Variants in QKI observed in about 807,000 individuals in gnomAD.
The protein encoded by QKI is QKI, KH domain containing RNA binding.
Under a neutral mutation model 39.0 loss-of-function variants are expected in QKI, and 10 were observed. The ratio of observed to expected loss-of-function variants is 0.26; its 90% CI spans 0.16 to 0.43. The LOEUF is 0.43. QKI is among the 20% of genes least tolerant of loss of function. The pLI is 1.00. For missense variants in QKI, 218 were observed against 428.0 expected (o/e 0.51, Z 4.33); for synonymous variants, 204 against 155.4 (o/e 1.31, Z -2.33).
At chr6:163,477,439 G>T (rs1409283483) in intron 2 of QKI, among the ~76,000 whole-genome samples, 1 of 152,192 alleles carries the variant, frequency 6.6e-6, no homozygotes, top group Non-Finnish European at 1.5e-5. Context: ...AATTGGAGAT[G>T]TAGGAAGGTT....
At chr6:163,423,209 A>T (rs1788128859) in intron 1 of QKI, 1 of 152,204 alleles carries the variant, frequency 6.6e-6, no homozygotes, top group Non-Finnish European at 1.5e-5. Context: ...AATCGCTTGA[A>T]CCTGGTAGGC....
At chr6:163,495,684 G>T (rs2128229961) in intron 3 of QKI, among the ~76,000 whole-genome samples, 1 of 152,120 alleles carries the variant, frequency 6.6e-6, no homozygotes, top group Non-Finnish European at 1.5e-5. Flanking sequence ...ACATTTATTT[G>T]CCCTGTCTCT....
rs1234677684 is a variant in QKI, at chr6:163,573,234, C to G, written c.*2524C>G. On this transcript the variant is annotated 3_prime_UTR_variant, in exon 8 of 8. Coordinates refer to ENST00000361752, the MANE Select transcript of QKI (RefSeq NM_006775.3). ...TGAAATCTCTGAATGCCTTGGTTCT[C>G]AGTATTATCATTCTTTATTGAATTT... 1 of 152,102 alleles carries G rather than the reference C, an allele frequency of 6.6e-6. No individual in the cohort carries two copies. Among genetic ancestry groups the G allele is most frequent in the African/African-American group, 2.4e-5 (1 of 41,422 alleles). The allele number at this position is 152,102 out of a possible 1,614,324, so 9.4% of individuals were successfully genotyped here. A position where few individuals can be genotyped will look rare whatever the true frequency, so the allele number is the denominator to read the frequency against.
At chr6:163,484,178 G>A (rs1793295499) in intron 3 of QKI, among the ~76,000 whole-genome samples, 2 of 151,300 alleles carry the variant, frequency 1.3e-5, no homozygotes, top group Non-Finnish European at 2.9e-5. Context: ...CAATTGTAGA[G>A]CACAGGCAGG....
At chr6:163,477,946 A>C (rs1792753445) in intron 2 of QKI, among the ~76,000 whole-genome samples, 1 of 152,264 alleles carries the variant, frequency 6.6e-6, no homozygotes, top group Non-Finnish European at 1.5e-5. Flanking sequence ...TTGATTGAAT[A>C]AGTAAATGAA....
intron 2 of QKI, among the ~76,000 whole-genome samples, chr6:163,459,359 G>C (rs1583025591): frequency 2.0e-5 from 3 of 152,262 alleles, no homozygotes; most frequent in South Asian, 2.1e-4. Flanking sequence ...ACTTGGGAGA[G>C]GGGGTACTAT....
At chr6:163,558,057 C>T (rs985784072) in intron 4 of QKI, among the ~76,000 whole-genome samples, 12 of 152,228 alleles carry the variant, frequency 7.9e-5, no homozygotes, top group East Asian at 1.9e-4. Context: ...TGCTCATTCC[C>T]GATCAAGGTT....
At position 163,577,994 on chromosome 6, in the gene QKI, TAGTC is replaced by T. The variant is rs1222256071; in HGVS notation, c.*7286_*7289del. ...TGTACTATACATATGTCTAAAATAA[TAGTC>T]ATGGTAAGTTTGGCATCATATCTTC... is the stretch of plus-strand genomic sequence containing the variant. On this transcript the variant is annotated 3_prime_UTR_variant, in exon 8 of 8. Transcript: ENST00000361752. 3 of 152,134 alleles carry T rather than the reference TAGTC, an allele frequency of 2.0e-5. No homozygotes were observed. Among genetic ancestry groups the T allele is most frequent in the African/African-American group, 7.2e-5 (3 of 41,422 alleles). 9.4% of individuals were successfully genotyped at this position (152,134 alleles called of 1,614,324 possible). A position where few individuals can be genotyped will look rare whatever the true frequency, so the allele number is the denominator to read the frequency against.
At chr6:163,492,756 T>A (rs1778137737) in intron 3 of QKI, among the ~76,000 whole-genome samples, 1 of 152,144 alleles carries the variant, frequency 6.6e-6, no homozygotes, top group African/African-American at 2.4e-5. Flanking sequence ...AGTAGTGAGA[T>A]TATTGAATAA....
intron 4 of QKI, among the ~76,000 whole-genome samples, chr6:163,552,936 A>T (rs1782336787): frequency 6.6e-6 from 1 of 151,478 alleles, no homozygotes; most frequent in Non-Finnish European, 1.5e-5. Flanking sequence ...CCCACCTCTA[A>T]GCCTCCTCAC....
intron 7 of QKI, chr6:163,567,235 C>T: frequency 1.0e-6 from 1 of 987,134 alleles, no homozygotes; most frequent in East Asian, 1.1e-4. Flanking sequence ...TTGGAGAAAA[C>T]TGAAGATTTA....
chr6:163,438,239 A>T (rs1179815329), intron 1 of QKI, among the ~76,000 whole-genome samples: 1 of 152,214 alleles, frequency 6.6e-6, no homozygotes, highest in Admixed American at 6.5e-5. Flanking sequence ...TAATGATCAG[A>T]TCAGTAGATA....
At position 163,492,096 on chromosome 6, in the gene QKI, G is replaced by C. The variant is rs199988211; in HGVS notation, c.402+13200G>C. ...TTTTTAGAGGATTCAGCTCTCTGTTGACAGAGTGAGTAGTGGAATGTTGCT... is the reference window on the plus strand; with the variant it reads ...TTTTTAGAGGATTCAGCTCTCTGTTCACAGAGTGAGTAGTGGAATGTTGCT... On this transcript the variant is annotated intron_variant, in intron 3 of 7. Coordinates refer to ENST00000361752, the MANE Select transcript of QKI (RefSeq NM_006775.3). 2.0e-5 allele frequency among the ~76,000 whole-genome samples: 3 copies of C among 152,184 alleles called. No homozygotes were observed. In the East Asian group the frequency reaches 5.8e-4, roughly 29 times the overall value.
chr6:163,543,861 A>G lies in QKI; in HGVS notation c.546+8736A>G, dbSNP rs549575535. 1.9e-4 allele frequency among the ~76,000 whole-genome samples: 29 copies of G among 152,184 alleles called. No individual in the cohort carries two copies. The East Asian group carries it at 5.6e-3, about 29-fold the overall frequency. ...GAGGAAAAAAGTGACAACTCTAGAT[A>G]TAAATTTCCTATCTTAATTTAAATA... On this transcript the variant is annotated intron_variant, in intron 4 of 7. Transcript: ENST00000361752.
intron 1 of QKI, chr6:163,423,507 T>A (rs551350635): frequency 6.6e-5 from 10 of 152,318 alleles, no homozygotes; most frequent in Non-Finnish European, 1.5e-4. Context: ...TTTTGTGGCG[T>A]GCCTCTCCAC....
chr6:163,484,471 G>A (rs1024122268), intron 3 of QKI, among the ~76,000 whole-genome samples: 18 of 152,254 alleles, frequency 1.2e-4, no homozygotes, highest in African/African-American at 4.3e-4. Flanking sequence ...AAAGTGCTAG[G>A]ATTACAGGTG....
At chr6:163,556,503 C>CAAAAAAAAAAA (rs61233361) in intron 4 of QKI, among the ~76,000 whole-genome samples, 13 of 83,048 alleles carry the variant, frequency 1.6e-4, no homozygotes, top group Middle Eastern at 7.8e-3. Flanking sequence ...AATTCCACCT[C>CAAAAAAAAAAA]AAAAAAAAAA....
chr6:163,556,110 G>A (rs1025157774), intron 4 of QKI, among the ~76,000 whole-genome samples: 4 of 152,176 alleles, frequency 2.6e-5, no homozygotes, highest in African/African-American at 4.8e-5. Flanking sequence ...GTTAGGAAGC[G>A]TAAATGATTG....
chr6:163,470,031 G>GA (rs937996718), intron 2 of QKI, among the ~76,000 whole-genome samples: 4 of 151,684 alleles, frequency 2.6e-5, no homozygotes, highest in East Asian at 1.9e-4. Context: ...GATACAATAG[G>GA]AAAAAAAATA....
Sources: allele counts gnomAD v4.1 joint callset (sites outside exome capture counted in the v4.1 genomes callset), GRCh38; gene constraint gnomAD v4.1.1; transcripts MANE v1.5; gene names NCBI Gene and HGNC (gene_info 2026-07-23, HGNC 2026-07-21).